TTC27: variants seen among roughly 807,000 people sequenced by gnomAD.
TTC27 encodes tetratricopeptide repeat domain 27.
A neutral mutation model predicts 115.9 loss-of-function variants in TTC27; 79 were observed. That is an observed-to-expected ratio of 0.68 (90% confidence interval 0.57 to 0.82). The LOEUF is 0.82. Ranked by LOEUF, TTC27 falls within the 40% of genes least tolerant of loss-of-function variation. TTC27 has a pLI of 0.00. For missense variants in TTC27, 1,054 were observed against 993.1 expected (o/e 1.06, Z -0.82); for synonymous variants, 401 against 356.0 (o/e 1.13, Z -1.42).
At chr2:32,705,931 T>G (rs1667351259) in intron 10 of TTC27, among the ~76,000 whole-genome samples, 1 of 152,162 alleles carries the variant, frequency 6.6e-6, no homozygotes, top group South Asian at 2.1e-4. Flanking sequence ...ATTTAATAAT[T>G]TTTTAAATTG....
intron 10 of TTC27, among the ~76,000 whole-genome samples, chr2:32,708,193 C>T (rs903671154): frequency 6.6e-6 from 1 of 151,534 alleles, no homozygotes; most frequent in Non-Finnish European, 1.5e-5. Flanking sequence ...TCAGCCTACT[C>T]GATGTTAAGA....
At chr2:32,630,214 T>C (rs1399554152) in intron 1 of TTC27, among the ~76,000 whole-genome samples, 1 of 152,202 alleles carries the variant, frequency 6.6e-6, no homozygotes, top group African/African-American at 2.4e-5. Context: ...AACTTTTGTA[T>C]TGTCAGTAGG....
At chr2:32,731,107 T>C (rs1336538061) in intron 10 of TTC27, among the ~76,000 whole-genome samples, 2 of 152,032 alleles carry the variant, frequency 1.3e-5, no homozygotes, top group African/African-American at 4.8e-5. Context: ...TGTTTCTTTG[T>C]TTTTTGAGAC....
intron 10 of TTC27, among the ~76,000 whole-genome samples, chr2:32,710,358 T>C (rs2151905159): frequency 6.6e-6 from 1 of 152,246 alleles, no homozygotes. Context: ...TAGGTCAGCA[T>C]TCATTTTTCT....
At chr2:32,733,444 A>G (rs1668358342) in intron 10 of TTC27, among the ~76,000 whole-genome samples, 1 of 152,172 alleles carries the variant, frequency 6.6e-6, no homozygotes, top group Non-Finnish European at 1.5e-5. Flanking sequence ...AGAGTTCTTC[A>G]TGTAATTTTT....
intron 10 of TTC27, among the ~76,000 whole-genome samples, chr2:32,728,302 A>G (rs1668179309): frequency 6.6e-6 from 1 of 151,950 alleles, no homozygotes. Flanking sequence ...CGGCCTCCCA[A>G]AGTGCTGGGA....
intron 18 of TTC27, among the ~76,000 whole-genome samples, chr2:32,813,117 G>T (rs937499464): frequency 6.6e-6 from 1 of 152,196 alleles, no homozygotes; most frequent in East Asian, 1.9e-4. Flanking sequence ...TTATATGCCT[G>T]TTGGGTAAAT....
At chr2:32,679,511 A>G (rs1666343899) in intron 9 of TTC27, among the ~76,000 whole-genome samples, 1 of 152,246 alleles carries the variant, frequency 6.6e-6, no homozygotes, top group African/African-American at 2.4e-5. Flanking sequence ...GTCAGTCAGT[A>G]TATTTTGGCT....
In TTC27 at chr2:32,793,215, C is replaced by T. The variant is rs566207454; in HGVS notation, c.1998+6066C>T. On this transcript the variant is annotated intron_variant, in intron 16 of 19. Transcript: ENST00000317907. ...TTATCAGCAGATTTCTCATAATAAA[C>T]TTTGGAGGCCAGCAGGCAGTGGACT... Among the ~76,000 whole-genome samples the T allele has an allele frequency of 6.6e-5, 10 of 152,238 alleles. 1 individual carries two copies. The South Asian group carries it at 2.1e-3, about 32-fold the overall frequency.
chr2:32,642,227 C>G (rs1166873996), intron 4 of TTC27, among the ~76,000 whole-genome samples: 1 of 146,414 alleles, frequency 6.8e-6, no homozygotes, highest in African/African-American at 2.5e-5. Flanking sequence ...CTTTCCTAAG[C>G]ATTTAAGTTT....
intron 12 of TTC27, among the ~76,000 whole-genome samples, chr2:32,756,684 A>G (rs112810600): frequency 2.0e-5 from 3 of 152,328 alleles, no homozygotes; most frequent in African/African-American, 7.2e-5. Context: ...CGGATTGCCA[A>G]CTGATGTATG....
At chr2:32,661,718 G>C (rs941773848) in intron 5 of TTC27, among the ~76,000 whole-genome samples, 1 of 152,196 alleles carries the variant, frequency 6.6e-6, no homozygotes, top group Non-Finnish European at 1.5e-5. Context: ...TGCAAACAGA[G>C]ACAATTTGAC....
intron 3 of TTC27, among the ~76,000 whole-genome samples, chr2:32,634,707 A>G (rs1014485998): frequency 6.6e-6 from 1 of 151,660 alleles, no homozygotes; most frequent in Non-Finnish European, 1.5e-5. Flanking sequence ...CCCAGGCTGG[A>G]GTACAATGGC....
At chr2:32,669,549 C>CTA (rs1665929421) in intron 7 of TTC27, among the ~76,000 whole-genome samples, 1 of 152,110 alleles carries the variant, frequency 6.6e-6, no homozygotes, top group African/African-American at 2.4e-5. Context: ...AGGAACACTA[C>CTA]TATACCATTT....
chr2:32,740,248 G>C (rs951740604), intron 12 of TTC27, among the ~76,000 whole-genome samples: 1 of 152,132 alleles, frequency 6.6e-6, no homozygotes, highest in Non-Finnish European at 1.5e-5. Context: ...GATAGATAAG[G>C]GTTGGGACCT....
At chr2:32,799,300 T>C (rs918379509) in intron 16 of TTC27, among the ~76,000 whole-genome samples, 8 of 152,198 alleles carry the variant, frequency 5.3e-5, no homozygotes, top group Non-Finnish European at 1.5e-5. Flanking sequence ...GTTCTGGAGA[T>C]GGATGCTGGT....
At chr2:32,660,704 C>G (rs1172333504) in intron 5 of TTC27, among the ~76,000 whole-genome samples, 1 of 152,150 alleles carries the variant, frequency 6.6e-6, no homozygotes, top group Non-Finnish European at 1.5e-5. Context: ...AAACTTTTCT[C>G]CCATTCTGTA....
Position 32,702,804 on chromosome 2 carries a change from C to T in TTC27, c.1120-3C>T, listed in dbSNP as rs1259760095. 6.2e-7 allele frequency: 1 copy of T among 1,602,216 alleles called. No individual in the cohort carries two copies. Among genetic ancestry groups the T allele is most frequent in the Non-Finnish European group, 8.5e-7 (1 of 1,169,910 alleles). On this transcript the variant is annotated splice_region_variant and splice_polypyrimidine_tract_variant and intron_variant, in intron 9 of 19. Coordinates refer to ENST00000317907, the MANE Select transcript of TTC27 (RefSeq NM_017735.5). ...ATGATTTTTTTCTTCCCGCTTCTAT[C>T]AGTGTTTGCTTTCACAACCAAAGTT...
intron 13 of TTC27, among the ~76,000 whole-genome samples, chr2:32,764,596 G>A (rs1669561060): frequency 6.6e-6 from 1 of 152,152 alleles, no homozygotes; most frequent in South Asian, 2.1e-4. Flanking sequence ...TTAAAATAAG[G>A]CAACAGTGAA....
Sources: gnomAD v4.1 joint callset for allele counts (sites outside exome capture counted in the v4.1 genomes callset) on GRCh38, gnomAD v4.1.1 for gene constraint, MANE v1.5 for transcripts, NCBI Gene and HGNC (gene_info 2026-07-23, HGNC 2026-07-21) for gene names.